TBCK: variants seen among roughly 807,000 people sequenced by gnomAD.
The protein encoded by TBCK is TBC1 domain containing kinase.
Under a neutral mutation model 113.4 loss-of-function variants are expected in TBCK, and 99 were observed. The observed-to-expected ratio is 0.87, with a 90% CI of 0.74 to 1.03. The LOEUF is 1.03. Ranked by LOEUF, TBCK falls within the 50% of genes least tolerant of loss-of-function variation. The pLI is 0.00. For synonymous variants in TBCK, 369 were observed against 370.8 expected, an observed-to-expected ratio of 1.00 and a Z score of 0.05; for missense variants, 1,045 against 1,061.3, an observed-to-expected ratio of 0.98 and a Z score of 0.21.
chr4:106,289,105 A>G (rs936657689), intron 3 of TBCK, among the ~76,000 whole-genome samples: 1 of 152,236 alleles, frequency 6.6e-6, no homozygotes, highest in East Asian at 1.9e-4. Context: ...TCTCCTGTCC[A>G]TGGACATTTG....
intron 23 of TBCK, among the ~76,000 whole-genome samples, chr4:106,160,545 C>T (rs902177565): frequency 1.3e-5 from 2 of 151,310 alleles, no homozygotes; most frequent in Non-Finnish European, 3.0e-5. Context: ...ATCAAAACTA[C>T]AATGAGATTC....
intron 22 of TBCK, among the ~76,000 whole-genome samples, chr4:106,184,537 C>G (rs1752790287): frequency 6.6e-6 from 1 of 151,786 alleles, no homozygotes. Flanking sequence ...TGTTCTGGTA[C>G]AAAGAAATAA....
At chr4:106,129,583 CCTT>C (rs1347545267) in intron 23 of TBCK, among the ~76,000 whole-genome samples, 1 of 151,940 alleles carries the variant, frequency 6.6e-6, no homozygotes, top group African/African-American at 2.4e-5. Context: ...TTTAAGATGT[CCTT>C]CTTGTAACAA....
chr4:106,219,550 A>AT (rs1227343074), intron 19 of TBCK, among the ~76,000 whole-genome samples: 2 of 151,986 alleles, frequency 1.3e-5, no homozygotes, highest in Non-Finnish European at 2.9e-5. Flanking sequence ...GAATATGTTC[A>AT]TTTTTTTCAT....
chr4:106,066,023 A>C (rs943684230), intron 25 of TBCK, among the ~76,000 whole-genome samples: 2 of 152,078 alleles, frequency 1.3e-5, no homozygotes, highest in Non-Finnish European at 2.9e-5. Flanking sequence ...AAACCATCTT[A>C]TAGCAATAAA....
intron 18 of TBCK, among the ~76,000 whole-genome samples, chr4:106,230,887 A>C (rs1168503286): frequency 6.6e-6 from 1 of 151,870 alleles, no homozygotes. Context: ...TGTTTGGGTC[A>C]GTATGAGTGA....
At chr4:106,289,027 A>T (rs1765403579) in intron 3 of TBCK, among the ~76,000 whole-genome samples, 1 of 152,242 alleles carries the variant, frequency 6.6e-6, no homozygotes, top group Admixed American at 6.5e-5. Context: ...ACAAATCCCA[A>T]ATCCGAAACA....
chr4:106,123,349 A>G (rs1461493817), intron 23 of TBCK, among the ~76,000 whole-genome samples: 3 of 152,218 alleles, frequency 2.0e-5, no homozygotes, highest in Non-Finnish European at 4.4e-5. Context: ...AGAACTACAA[A>G]TCACTGCTCA....
intron 23 of TBCK, among the ~76,000 whole-genome samples, chr4:106,134,687 C>A (rs1180052338): frequency 6.6e-6 from 1 of 152,184 alleles, no homozygotes; most frequent in Admixed American, 6.5e-5. Context: ...GTTCCCAGGA[C>A]AATCATTGTA....
At chr4:106,086,193 CTAATG>C (rs1411345526) in intron 25 of TBCK, among the ~76,000 whole-genome samples, 1 of 151,280 alleles carries the variant, frequency 6.6e-6, no homozygotes, top group Non-Finnish European at 1.5e-5. Context: ...GTTAACTAGA[CTAATG>C]AAGAAAAAGA....
At chr4:106,092,498 T>TG (rs1230750761) in intron 25 of TBCK, among the ~76,000 whole-genome samples, 2 of 152,234 alleles carry the variant, frequency 1.3e-5, no homozygotes, top group East Asian at 3.9e-4. Context: ...CACGGTGGGT[T>TG]GGGGGGAGGC....
intron 3 of TBCK, among the ~76,000 whole-genome samples, chr4:106,266,219 TA>T (rs144681240): frequency 1.3e-5 from 2 of 150,462 alleles, no homozygotes; most frequent in South Asian, 4.2e-4. Context: ...GTCTTCCCCT[TA>T]AAAAAAAAGA....
chr4:106,223,717 A>G (rs534377827), intron 19 of TBCK, among the ~76,000 whole-genome samples: 1 of 152,124 alleles, frequency 6.6e-6, no homozygotes, highest in Non-Finnish European at 1.5e-5. Flanking sequence ...AAACACTACA[A>G]GAGTATGTTT....
At chr4:106,265,704 T>G (rs952148474) in intron 3 of TBCK, among the ~76,000 whole-genome samples, 1 of 151,890 alleles carries the variant, frequency 6.6e-6, no homozygotes, top group African/African-American at 2.4e-5. Context: ...GTTAGAAGTC[T>G]TTTAATTCTG....
intron 3 of TBCK, among the ~76,000 whole-genome samples, chr4:106,280,928 A>C (rs185941472): frequency 6.6e-6 from 1 of 152,244 alleles, no homozygotes; most frequent in Admixed American, 6.5e-5. Context: ...GTTCCATATA[A>C]GTTTTAGGAT....
Position 106,194,742 on chromosome 4 carries a change from G to A in TBCK, c.1873C>T (p.Pro625Ser), listed in dbSNP as rs749673214. 1.3e-6 allele frequency: 2 copies of A among 1,585,214 alleles called. No individual in the cohort carries two copies. Among genetic ancestry groups the A allele is most frequent in the East Asian group, 4.6e-5 (2 of 43,156 alleles). ...IGFIPDLYAI[P>S]WFLTMFTHVF... ...CGAGTAAACATGGTAAGAAACCAAG[G>A]GATGGCATAGAGCTATGAGTGGAAA... The change falls in exon 21 of 26, where the codon CCT (proline) becomes TCT (serine). Residue 625 changes from proline to serine, a missense_variant. Coordinates refer to ENST00000394708, the MANE Select transcript of TBCK (RefSeq NM_001163435.3).
At chr4:106,082,707 G>A (rs1345428779) in intron 25 of TBCK, among the ~76,000 whole-genome samples, 1 of 152,196 alleles carries the variant, frequency 6.6e-6, no homozygotes, top group Non-Finnish European at 1.5e-5. Context: ...GCATTCCGAG[G>A]CTCGCATAGG....
intron 23 of TBCK, among the ~76,000 whole-genome samples, chr4:106,131,116 T>C (rs1274006531): frequency 6.6e-6 from 1 of 152,106 alleles, no homozygotes; most frequent in Non-Finnish European, 1.5e-5. Flanking sequence ...AGTGAGTAAG[T>C]CTCACGAGAT....
intron 7 of TBCK, among the ~76,000 whole-genome samples, chr4:106,249,775 C>A (rs150988756): frequency 4.6e-5 from 7 of 152,018 alleles, no homozygotes; most frequent in Admixed American, 4.6e-4. Context: ...ATTTATAATT[C>A]ATTATTATTT....
Sources: allele counts gnomAD v4.1 joint callset (sites outside exome capture counted in the v4.1 genomes callset), GRCh38; gene constraint gnomAD v4.1.1; transcripts MANE v1.5; gene names NCBI Gene and HGNC (gene_info 2026-07-23, HGNC 2026-07-21).